The following PRKG1 variants were observed in gnomAD, a reference collection of about 807,000 sequenced individuals.
The protein encoded by PRKG1 is protein kinase cGMP-dependent 1.
PRKG1 carries 35 observed loss-of-function variants against 88.1 expected under a neutral mutation model. The observed-to-expected ratio is 0.40, with a 90% CI of 0.30 to 0.53. The LOEUF (loss-of-function observed/expected upper bound fraction) is 0.53. PRKG1 is among the 20% of genes least tolerant of loss of function. The pLI is 0.59. For synonymous variants in PRKG1, 303 were observed against 292.5 expected, an observed-to-expected ratio of 1.04 and a Z score of -0.37; for missense variants, 540 against 839.8, an observed-to-expected ratio of 0.64 and a Z score of 4.41.
At chr10:51,867,883 C>A (rs1446479044) in intron 4 of PRKG1, among the ~76,000 whole-genome samples, 1 of 152,124 alleles carries the variant, frequency 6.6e-6, no homozygotes, top group Non-Finnish European at 1.5e-5. Flanking sequence ...AACAAACATA[C>A]ACAAAAATTT....
At chr10:51,727,333 G>T (rs1323634727) in intron 3 of PRKG1, among the ~76,000 whole-genome samples, 1 of 150,192 alleles carries the variant, frequency 6.7e-6, no homozygotes. Flanking sequence ...TATATTTTTG[G>T]AATTTTGATG....
chr10:51,744,576 T>C (rs184930764), intron 3 of PRKG1, among the ~76,000 whole-genome samples: 128 of 152,328 alleles, frequency 8.4e-4, no homozygotes, highest in Middle Eastern at 3.4e-3. Flanking sequence ...TAGTTTTTTA[T>C]GTTAGTATTT....
intron 2 of PRKG1, among the ~76,000 whole-genome samples, chr10:51,307,636 C>T (rs1464554291): frequency 4.6e-5 from 7 of 151,992 alleles, no homozygotes; most frequent in African/African-American, 1.2e-4. Context: ...GAGGCTGTCC[C>T]GAGTAGAGGC....
intron 2 of PRKG1, among the ~76,000 whole-genome samples, chr10:51,322,250 T>C (rs955577012): frequency 6.6e-6 from 1 of 152,184 alleles, no homozygotes; most frequent in African/African-American, 2.4e-5. Context: ...AGGTTTGGCA[T>C]CAATGTTTAA....
At chr10:52,150,211 G>C (rs1837875114) in intron 8 of PRKG1, among the ~76,000 whole-genome samples, 1 of 141,776 alleles carries the variant, frequency 7.1e-6, no homozygotes, top group African/African-American at 2.7e-5. Flanking sequence ...GGCAGGATTT[G>C]AGAGAGAGAG....
At chr10:51,787,270 C>A (rs1011203147) in intron 3 of PRKG1, among the ~76,000 whole-genome samples, 33 of 152,248 alleles carry the variant, frequency 2.2e-4, no homozygotes, top group Admixed American at 2.0e-4. Flanking sequence ...TGGCTTCAAG[C>A]TTTCAGAGTT....
chr10:51,808,509 G>A (rs1235629753), intron 4 of PRKG1, among the ~76,000 whole-genome samples: 2 of 152,062 alleles, frequency 1.3e-5, no homozygotes, highest in African/African-American at 4.8e-5. Context: ...AGGCTGACGG[G>A]GGAGGATCAC....
intron 2 of PRKG1, among the ~76,000 whole-genome samples, chr10:51,359,463 T>C (rs1443456906): frequency 6.6e-6 from 1 of 151,810 alleles, no homozygotes; most frequent in East Asian, 1.9e-4. Flanking sequence ...TGTGTGCGTG[T>C]GTGTGTGTGT....
intron 5 of PRKG1, chr10:51,908,734 A>ATATATATATATATATATATTTTT (rs563212069): frequency 5.7e-5 from 3 of 52,234 alleles, no homozygotes; most frequent in South Asian, 9.3e-4. Context: ...TCTATATGTA[A>ATATATATATATATATATATTTTT]TTTTTTTTTT....
intron 5 of PRKG1, among the ~76,000 whole-genome samples, chr10:51,999,016 A>G (rs1186454298): frequency 6.6e-6 from 1 of 151,416 alleles, no homozygotes; most frequent in East Asian, 2.0e-4. Context: ...AACATTTTTT[A>G]TTTATCTGTG....
chr10:51,692,416 T>G (rs1175702882), intron 3 of PRKG1, among the ~76,000 whole-genome samples: 4 of 152,010 alleles, frequency 2.6e-5, no homozygotes, highest in Non-Finnish European at 4.4e-5. Flanking sequence ...GGCTAATTTT[T>G]TTGTATTTTT....
chr10:51,430,909 A>T (rs1237494274), intron 2 of PRKG1, among the ~76,000 whole-genome samples: 1 of 152,200 alleles, frequency 6.6e-6, no homozygotes, highest in African/African-American at 2.4e-5. Context: ...AAAAAAGCAG[A>T]TCAATGGTTG....
chr10:52,121,242 T>C (rs1589624962), intron 7 of PRKG1, among the ~76,000 whole-genome samples: 1 of 152,164 alleles, frequency 6.6e-6, no homozygotes, highest in Non-Finnish European at 1.5e-5. Flanking sequence ...GCTCTGGGCC[T>C]GTGATTGGAG....
intron 4 of PRKG1, among the ~76,000 whole-genome samples, chr10:51,901,870 C>G (rs1337145517): frequency 3.4e-4 from 52 of 151,984 alleles, no homozygotes; most frequent in Non-Finnish European, 1.8e-4. Flanking sequence ...TCTTTGGATT[C>G]TCTATCTATC....
intron 9 of PRKG1, among the ~76,000 whole-genome samples, chr10:52,239,521 TAAAAAAAAAAAAA>T: frequency 1.8e-5 from 1 of 56,738 alleles, no homozygotes; most frequent in Non-Finnish European, 2.9e-5. Context: ...TTCTACAGTG[TAAAAAAAAAAAAA>T]AAAAAAAAAA....
intron 2 of PRKG1, among the ~76,000 whole-genome samples, chr10:51,409,038 A>C (rs1838002872): frequency 6.6e-6 from 1 of 152,154 alleles, no homozygotes; most frequent in South Asian, 2.1e-4. Context: ...TCAGTATATA[A>C]TTGCACATCT....
chr10:51,537,510 A>G (rs1005640827), intron 3 of PRKG1, among the ~76,000 whole-genome samples: 1 of 152,022 alleles, frequency 6.6e-6, no homozygotes, highest in Non-Finnish European at 1.5e-5. Flanking sequence ...AGGCAGGCGG[A>G]TCACAAGATC....
intron 3 of PRKG1, among the ~76,000 whole-genome samples, chr10:51,660,778 A>C (rs539400244): frequency 4.0e-4 from 61 of 152,160 alleles, no homozygotes; most frequent in African/African-American, 1.4e-3. Flanking sequence ...TTGGTGATGC[A>C]TGTTATGGCT....
chr10:51,378,562 A>G (rs1451628144), intron 2 of PRKG1, among the ~76,000 whole-genome samples: 4 of 152,222 alleles, frequency 2.6e-5, no homozygotes. Flanking sequence ...GTACATTTAC[A>G]TAAAACCTCT....
Sources: allele counts gnomAD v4.1 joint callset (sites outside exome capture counted in the v4.1 genomes callset), GRCh38; gene constraint gnomAD v4.1.1; transcripts MANE v1.5; gene names NCBI Gene and HGNC (gene_info 2026-07-23, HGNC 2026-07-21).